Variants in ACSL5 observed in about 807,000 individuals in gnomAD.
ACSL5 encodes acyl-CoA synthetase long chain family member 5.
In ACSL5, 50 loss-of-function variants were observed where a neutral mutation model predicts 84.9. That is an observed-to-expected ratio of 0.59 (90% CI 0.47 to 0.75). The LOEUF is 0.75. ACSL5 is among the 30% of genes least tolerant of loss of function. The pLI is 0.00. For missense variants in ACSL5, 775 were observed against 830.4 expected, an observed-to-expected ratio of 0.93 and a Z score of 0.82; for synonymous variants, 280 against 300.7, an observed-to-expected ratio of 0.93 and a Z score of 0.71.
rs147011741 is a variant in ACSL5, at chr10:112,403,946, A to G, written c.266-565A>G. On this transcript the variant is annotated intron_variant, in intron 3 of 20. Coordinates refer to ENST00000354655, the MANE Select transcript of ACSL5 (RefSeq NM_203379.2). ...ATAATGACATGAAAATACTTAGGTC[A>G]GATTGGGAGAGGAAGCAAGGTATCA... is the stretch of plus-strand genomic sequence containing the variant. Among the ~76,000 whole-genome samples, 6 of 152,356 alleles carry G rather than the reference A, an allele frequency of 3.9e-5. No homozygotes were observed. In the East Asian group the frequency reaches 1.2e-3, roughly 29 times the overall value.
At position 112,427,378 on chromosome 10, in the gene ACSL5, T is replaced by C; in HGVS notation, c.*20T>C. The C allele has an allele frequency of 6.2e-7, 1 of 1,602,490 alleles. No individual in the cohort carries two copies. The highest frequency in any genetic ancestry group is 8.5e-7 in the Non-Finnish European group (1 of 1,174,730). ...GATTAGGATAAGGTACTTAAGTACC[T>C]GCCGGCCCACTGTGCACTGCTTGTG... On this transcript the variant is annotated 3_prime_UTR_variant, in exon 21 of 21. Transcript: ENST00000354655.
chr10:112,405,045 GT>G (rs1246866411), intron 5 of ACSL5, among the ~76,000 whole-genome samples: 1 of 152,190 alleles, frequency 6.6e-6, no homozygotes, highest in African/African-American at 2.4e-5. Context: ...CCTATCATGT[GT>G]TTTTTGAAGT....
At position 112,417,941 on chromosome 10, in the gene ACSL5, G is replaced by A. The variant is rs745652576; in HGVS notation, c.1314G>A (p.Gln438=). The A allele has an allele frequency of 3.7e-6, 6 of 1,600,216 alleles. No individual in the cohort carries two copies. The highest frequency in any genetic ancestry group is 2.3e-5 in the East Asian group (1 of 43,846). ...MTFFRAAMGC[Q]VYEAYGQTEC... ...TCTTCCGGGCAGCAATGGGATGTCAGGTAAGCCAAGCACCTTCTTTGAGAA... is the reference window on the plus strand; with the variant it reads ...TCTTCCGGGCAGCAATGGGATGTCAAGTAAGCCAAGCACCTTCTTTGAGAA... The change falls in exon 14 of 21, where the codon CAG becomes CAA. Residue 438 remains glutamine (Q), a splice_region_variant and synonymous_variant. Transcript: ENST00000354655.
chr10:112,421,712 G>T (rs1483087847), intron 15 of ACSL5, 47 bp downstream of exon 15: 11 of 1,550,622 alleles, frequency 7.1e-6, no homozygotes, highest in African/African-American at 1.4e-5. Flanking sequence ...TTGGGAGAAA[G>T]GTTCTAACTG....
rs778277666 is a variant in ACSL5 at position 112,426,209 on chromosome 10, C to G, written c.1738-49C>G. On this transcript the variant is annotated intron_variant, in intron 18 of 20. Coordinates refer to ENST00000354655, the MANE Select transcript of ACSL5 (RefSeq NM_203379.2). Reference sequence around the variant, plus strand: ...CTTTATTTAACTACTGGGGGACATCCCTACATAACTTCTCTCATGCCCTTG... The same window carrying G: ...CTTTATTTAACTACTGGGGGACATCGCTACATAACTTCTCTCATGCCCTTG... 4 of 1,439,276 alleles carry G rather than the reference C, an allele frequency of 2.8e-6. No homozygotes were observed. In the South Asian group the frequency reaches 3.5e-5, roughly 12 times the overall value. The allele number at this position is 1,439,276 out of a possible 1,614,324, so 89.2% of individuals were successfully genotyped here.
intron 3 of ACSL5, among the ~76,000 whole-genome samples, chr10:112,401,968 T>C (rs989438595): frequency 2.0e-5 from 3 of 149,934 alleles, no homozygotes; most frequent in Non-Finnish European, 4.4e-5. Context: ...TCTCTCTCTC[T>C]CCTTCTGTCT....
Position 112,416,914 on chromosome 10 carries a change from G to A in ACSL5, c.1110G>A (p.Leu370=), listed in dbSNP as rs1484840104. 6.2e-7 allele frequency: 1 copy of A among 1,613,998 alleles called. No homozygotes were observed. The highest frequency in any genetic ancestry group is 8.5e-7 in the Non-Finnish European group (1 of 1,180,004). ...TACAAAATGAGGCCAAGACACCCTT[G>A]AAGAAGTTCTTGTTGAAGCTGGCTG... ...DKVQNEAKTP[L]KKFLLKLAVS... The change falls in exon 13 of 21, where the codon TTG becomes TTA. Residue 370 remains leucine, a synonymous_variant. Coordinates refer to ENST00000354655, the MANE Select transcript of ACSL5 (RefSeq NM_203379.2).
rs146116695 is a variant in ACSL5, at chr10:112,410,202, T to C, written c.712-261T>C. Reference sequence around the variant, plus strand: ...AAAAAGATTTAGTTAGGGCCCTAGATGACTGAAACTTAAGAGTACAATGGG... The same window carrying C: ...AAAAAGATTTAGTTAGGGCCCTAGACGACTGAAACTTAAGAGTACAATGGG... On this transcript the variant is annotated intron_variant, in intron 7 of 20. Transcript: ENST00000354655. 4.9e-4 allele frequency: 728 copies of C among 1,485,966 alleles called. 10 individuals are homozygous for C. The East Asian group carries it at 0.018, about 37-fold the overall frequency. The allele number at this position is 1,485,966 out of a possible 1,614,324, so 92.0% of individuals were successfully genotyped here.
At chr10:112,397,169 CTTTTT>C (rs141789967) in intron 2 of ACSL5, among the ~76,000 whole-genome samples, 1 of 139,886 alleles carries the variant, frequency 7.1e-6, no homozygotes, top group Non-Finnish European at 1.5e-5. Flanking sequence ...CTCCCTTTTT[CTTTTT>C]TTTTTTTTTT....
intron 17 of ACSL5, 63 bp from the exon 18 acceptor site, chr10:112,425,275 C>G (rs1844623226): frequency 7.0e-7 from 1 of 1,431,490 alleles, no homozygotes; most frequent in Non-Finnish European, 9.5e-7. Context: ...GACTTCACCA[C>G]TCTCCCCACT....
At chr10:112,393,071 C>T (rs926830126) in intron 1 of ACSL5, among the ~76,000 whole-genome samples, 1 of 152,144 alleles carries the variant, frequency 6.6e-6, no homozygotes, top group Non-Finnish European at 1.5e-5. Flanking sequence ...TTCCCTGAGG[C>T]AGTCCTCCCT....
Position 112,425,350 on chromosome 10 carries a change from A to G in ACSL5, c.1606A>G (p.Lys536Glu). 6.2e-7 allele frequency: 1 copy of G among 1,612,760 alleles called. No individual in the cohort carries two copies. The highest frequency in any genetic ancestry group is 1.1e-5 in the South Asian group (1 of 90,860). ...CTGTCTCATGTAGAATGGAACTCTG[A>G]AGATCATCGACCGTAAAAAGAACAT... ...IGRWLPNGTLKIIDRKKNIFK... is the reference protein window; with the variant it reads ...IGRWLPNGTLEIIDRKKNIFK... Residue 536 changes from lysine to glutamate, a missense_variant, in exon 18 of 21, where the codon AAG becomes GAG. Physicochemically the swap from Lys to Glu is moderately conservative, Grantham distance 56. Coordinates refer to ENST00000354655, the MANE Select transcript of ACSL5 (RefSeq NM_203379.2).
At chr10:112,376,235 G>C in intron 1 of ACSL5, 1 of 1,566,120 alleles carries the variant, frequency 6.4e-7, no homozygotes, top group South Asian at 1.2e-5. Flanking sequence ...ACGTTAGAAA[G>C]CCTGACATGG....
chr10:112,392,179 T>C (rs943690447), intron 1 of ACSL5, among the ~76,000 whole-genome samples: 4 of 152,204 alleles, frequency 2.6e-5, no homozygotes, highest in Non-Finnish European at 5.9e-5. Flanking sequence ...AGATAAAATA[T>C]CACCAGCTTG....
At chr10:112,415,965 G>A (rs1401927297) in intron 12 of ACSL5, among the ~76,000 whole-genome samples, 1 of 152,156 alleles carries the variant, frequency 6.6e-6, no homozygotes, top group Non-Finnish European at 1.5e-5. Flanking sequence ...CAGAGTCAGG[G>A]AGACCAGGGA....
At chr10:112,381,749 A>G (rs1426063348) in intron 1 of ACSL5, among the ~76,000 whole-genome samples, 1 of 151,802 alleles carries the variant, frequency 6.6e-6, no homozygotes, top group Non-Finnish European at 1.5e-5. Context: ...TGGGTGGATC[A>G]CGAGGTCAGG....
chr10:112,419,817 A>C (rs1844413170), intron 14 of ACSL5: 1 of 152,184 alleles, frequency 6.6e-6, no homozygotes, highest in African/African-American at 2.4e-5. Context: ...CTTAGACAGG[A>C]CTTCCTAACC....
chr10:112,393,053 TCA>T (rs1843676826), intron 1 of ACSL5, among the ~76,000 whole-genome samples: 1 of 152,146 alleles, frequency 6.6e-6, no homozygotes, highest in Non-Finnish European at 1.5e-5. Context: ...TTTTTCAATT[TCA>T]CAGTCTTCCC....
intron 1 of ACSL5, among the ~76,000 whole-genome samples, chr10:112,379,974 T>C (rs1402274303): frequency 6.6e-6 from 1 of 152,188 alleles, no homozygotes; most frequent in Non-Finnish European, 1.5e-5. Context: ...CCTAGCACTT[T>C]GTCCGGCCTA....
Sources: gnomAD v4.1 joint callset for allele counts (sites outside exome capture counted in the v4.1 genomes callset) on GRCh38, gnomAD v4.1.1 for gene constraint, MANE v1.5 for transcripts, NCBI Gene and HGNC (gene_info 2026-07-23, HGNC 2026-07-21) for gene names.